Variants in C4orf17 observed in about 807,000 individuals in gnomAD.
C4orf17 encodes the protein chromosome 4 open reading frame 17.
C4orf17 carries 25 observed loss-of-function variants against 32.0 expected under a neutral mutation model. The observed-to-expected ratio is 0.78, with a 90% CI of 0.57 to 1.09. C4orf17 has a LOEUF of 1.09. Ranked by LOEUF, C4orf17 falls within the 50% of genes least tolerant of loss-of-function variation. The pLI is 0.00. For synonymous variants in C4orf17, 149 were observed against 145.8 expected (o/e 1.02, Z -0.16); for missense variants, 420 against 420.0 (o/e 1.00, Z 0.00).
chr4:99,526,404 C>A, intron 4 of C4orf17, among the ~76,000 whole-genome samples: 1 of 152,162 alleles, frequency 6.6e-6, no homozygotes, highest in African/African-American at 2.4e-5. Context: ...AAATTTTTAG[C>A]ATTCTTGTGT....
intron 4 of C4orf17, among the ~76,000 whole-genome samples, chr4:99,524,976 T>G (rs770354918): frequency 6.6e-6 from 1 of 152,224 alleles, no homozygotes; most frequent in Non-Finnish European, 1.5e-5. Context: ...CTCAGCATGA[T>G]TATTTTAAGA....
intron 2 of C4orf17, among the ~76,000 whole-genome samples, chr4:99,517,016 A>T (rs962804284): frequency 6.6e-6 from 1 of 152,092 alleles, no homozygotes; most frequent in African/African-American, 2.4e-5. Context: ...TTTAGGTTTG[A>T]TTTGATGGCT....
intron 2 of C4orf17, among the ~76,000 whole-genome samples, chr4:99,522,020 A>G (rs1366587095): frequency 1.3e-5 from 2 of 152,088 alleles, no homozygotes; most frequent in African/African-American, 2.4e-5. Flanking sequence ...TCCAGCTCCT[A>G]CACCTTTTTA....
chr4:99,529,691 C>A, intron 4 of C4orf17, 124 bp from the exon 5 acceptor site: 4 of 686,146 alleles, frequency 5.8e-6, no homozygotes, highest in Admixed American at 3.6e-5. Flanking sequence ...TAAAACTAAC[C>A]TTTTTTTACT....
At chr4:99,537,839 G>A (rs1250059813) in intron 6 of C4orf17, 89 bp downstream of exon 6, 2 of 910,228 alleles carry the variant, frequency 2.2e-6, no homozygotes, top group Non-Finnish European at 3.6e-6. Context: ...TTGTACCTTG[G>A]ATTTGCAAAG....
At chr4:99,525,498 T>C (rs1035577104) in intron 4 of C4orf17, among the ~76,000 whole-genome samples, 10 of 152,162 alleles carry the variant, frequency 6.6e-5, no homozygotes, top group African/African-American at 2.4e-4. Context: ...CGTCCACTTC[T>C]TACATTGGGT....
chr4:99,542,189 T>C lies in C4orf17; in HGVS notation c.*80T>C. ...CAAATTATTTTTCAAATGAATATTT[T>C]TGGTATTGAGGAATCAAGTGGTCCT... is the stretch of plus-strand genomic sequence containing the variant. On this transcript the variant is annotated 3_prime_UTR_variant, in exon 9 of 9. Coordinates refer to ENST00000326581, the MANE Select transcript of C4orf17 (RefSeq NM_032149.3). The C allele has an allele frequency of 7.4e-7, 1 of 1,349,350 alleles. No individual in the cohort carries two copies. Among genetic ancestry groups the C allele is most frequent in the Non-Finnish European group, 1.1e-6 (1 of 950,494 alleles). 83.6% of individuals were successfully genotyped at this position (1,349,350 alleles called of 1,614,324 possible).
intron 7 of C4orf17, 112 bp from the exon 8 acceptor site, chr4:99,540,300 G>T: frequency 3.1e-6 from 2 of 636,806 alleles, no homozygotes; most frequent in Non-Finnish European, 5.5e-6. Context: ...AAAGAATTGG[G>T]GTAGCATATT....
chr4:99,537,890 G>A (rs997253851), intron 6 of C4orf17, 140 bp downstream of exon 6: 13 of 676,742 alleles, frequency 1.9e-5, no homozygotes, highest in Non-Finnish European at 2.1e-5. Flanking sequence ...TCAGTATCAG[G>A]GTGATTACTG....
intron 3 of C4orf17, among the ~76,000 whole-genome samples, 172 bp from the exon 4 acceptor site, chr4:99,524,347 TTA>T: frequency 6.6e-6 from 1 of 152,314 alleles, no homozygotes; most frequent in East Asian, 1.9e-4. Context: ...TGCAAATACT[TTA>T]TGTTATTATA....
At chr4:99,516,189 GAGAT>G (rs1723177738) in intron 2 of C4orf17, among the ~76,000 whole-genome samples, 1 of 152,180 alleles carries the variant, frequency 6.6e-6, no homozygotes, top group East Asian at 1.9e-4. Flanking sequence ...CTAGATGTGG[GAGAT>G]AGACCAAAGT....
chr4:99,526,823 T>A (rs1375211043), intron 4 of C4orf17, among the ~76,000 whole-genome samples: 1 of 152,082 alleles, frequency 6.6e-6, no homozygotes, highest in Admixed American at 6.6e-5. Flanking sequence ...TAATGTTTGT[T>A]CTCTCATTCC....
intron 2 of C4orf17, among the ~76,000 whole-genome samples, chr4:99,513,795 C>T (rs62304980): frequency 0.064 from 9,788 of 152,094 alleles, 518 homozygotes; most frequent in Admixed American, 0.15. Context: ...AGAGGCAGTT[C>T]AATGGAGCTT....
At chr4:99,522,239 T>C (rs533367850) in intron 2 of C4orf17, among the ~76,000 whole-genome samples, 1 of 152,154 alleles carries the variant, frequency 6.6e-6, no homozygotes, top group Non-Finnish European at 1.5e-5. Context: ...ACATCGACGA[T>C]GTGGTCTGGC....
At chr4:99,526,709 C>T (rs1236474010) in intron 4 of C4orf17, among the ~76,000 whole-genome samples, 1 of 149,604 alleles carries the variant, frequency 6.7e-6, no homozygotes, top group Non-Finnish European at 1.5e-5. Context: ...CTTTAGCCAG[C>T]ATTGGTAGTT....
intron 5 of C4orf17, among the ~76,000 whole-genome samples, chr4:99,531,692 G>A (rs939683608): frequency 2.0e-4 from 30 of 152,296 alleles, no homozygotes; most frequent in African/African-American, 6.5e-4. Flanking sequence ...CTGGCACACA[G>A]ACAATGGCAT....
chr4:99,524,691 T>C, intron 4 of C4orf17, 106 bp downstream of exon 4: 1 of 683,494 alleles, frequency 1.5e-6, no homozygotes, highest in Non-Finnish European at 2.6e-6. Flanking sequence ...ACAATATTTT[T>C]ACAGCTTTAG....
intron 2 of C4orf17, among the ~76,000 whole-genome samples, chr4:99,518,158 A>C (rs1723218065): frequency 6.6e-6 from 1 of 151,966 alleles, no homozygotes; most frequent in South Asian, 2.1e-4. Flanking sequence ...TTTGATGACT[A>C]CTTTGCAATC....
At chr4:99,522,797 A>T (rs1226587815) in intron 3 of C4orf17, 88 bp downstream of exon 3, 3 of 1,029,752 alleles carry the variant, frequency 2.9e-6, no homozygotes, top group Admixed American at 4.9e-5. Context: ...AAATAGCTGC[A>T]GTGGTTTTTA....
Sources: allele counts gnomAD v4.1 joint callset (sites outside exome capture counted in the v4.1 genomes callset), GRCh38; gene constraint gnomAD v4.1.1; transcripts MANE v1.5; gene names NCBI Gene and HGNC (gene_info 2026-07-23, HGNC 2026-07-21).